The following AASDHPPT variants were observed in gnomAD, a reference collection of about 807,000 sequenced individuals.
AASDHPPT encodes aminoadipate-semialdehyde dehydrogenase-phosphopantetheinyl transferase.
In AASDHPPT, 23 loss-of-function variants were observed where a neutral mutation model predicts 36.4. That is an observed-to-expected ratio of 0.63 (90% CI 0.45 to 0.89). The LOEUF is 0.89. Among genes scored for constraint, AASDHPPT ranks in the 40% least tolerant of loss-of-function variants. The pLI, the probability that AASDHPPT is intolerant of heterozygous loss-of-function variation, is 0.00. For missense variants in AASDHPPT, 377 were observed against 378.2 expected (o/e 1.00, Z 0.03); for synonymous variants, 115 against 128.0 (o/e 0.90, Z 0.68).
At chr11:106,077,993 C>T (rs2135033136) in intron 1 of AASDHPPT, 100 bp downstream of exon 1, 3 of 1,418,346 alleles carry the variant, frequency 2.1e-6, no homozygotes, top group Non-Finnish European at 2.8e-6. Flanking sequence ...GGCCGCGACC[C>T]TCTCGCTGTG....
Position 106,096,855 on chromosome 11 carries a change from A to T in AASDHPPT, c.878A>T (p.Asp293Val). The change falls in exon 6 of 6, where the codon GAC becomes GTC. Residue 293 changes from aspartate to valine, a missense_variant. Coordinates refer to ENST00000278618, the MANE Select transcript of AASDHPPT (RefSeq NM_015423.3). ...ACACCTGAAGATCCTTCATTTTGGG[A>T]CTGTTTTTGCTTCACAGAAGAAATT... ...PMTPEDPSFW[D>V]CFCFTEEIPI... is the part of the protein sequence containing the mutation. 1 of 1,611,504 alleles carries T rather than the reference A, an allele frequency of 6.2e-7. No individual in the cohort carries two copies. Among genetic ancestry groups the T allele is most frequent in the Non-Finnish European group, 8.5e-7 (1 of 1,178,970 alleles).
chr11:106,077,809 G>A lies in AASDHPPT; in HGVS notation c.99G>A (p.Trp33Ter). ...CGTWLPSRAE[W>*]LLAVRSIQPE... is the part of the protein sequence containing the mutation. ...CTTGGCTGCCGAGCCGAGCCGAATG[G>A]CTGCTGGCAGTGCGATCGATTCAGC... The change falls in exon 1 of 6, where the codon TGG becomes TGA. Residue 33 changes from tryptophan to a stop codon, truncating the protein, a stop_gained. Transcript: ENST00000278618. LOFTEE classifies it high-confidence loss of function. The A allele has an allele frequency of 6.2e-7, 1 of 1,614,216 alleles. No homozygotes were observed. The highest frequency in any genetic ancestry group is 2.2e-5 in the East Asian group (1 of 44,878).
chr11:106,096,820 C>G lies in AASDHPPT; in HGVS notation c.843C>G (p.Ala281=). Reference sequence around the variant, plus strand: ...ACTTTAATGATTTAATGTCATCTGCCGTTCCCATGACACCTGAAGATCCTT... The same window carrying G: ...ACTTTAATGATTTAATGTCATCTGCGGTTCCCATGACACCTGAAGATCCTT... The part of the protein sequence containing the change: ...ILNFNDLMSS[A]VPMTPEDPSF... The change falls in exon 6 of 6, where the codon GCC becomes GCG. Residue 281 remains alanine (A), a synonymous_variant. Coordinates refer to ENST00000278618, the MANE Select transcript of AASDHPPT (RefSeq NM_015423.3). The G allele has an allele frequency of 6.2e-7, 1 of 1,610,958 alleles. No homozygotes were observed. Among genetic ancestry groups the G allele is most frequent in the Non-Finnish European group, 8.5e-7 (1 of 1,178,338 alleles).
intron 2 of AASDHPPT, among the ~76,000 whole-genome samples, chr11:106,080,413 A>C (rs1472150438): frequency 6.6e-6 from 1 of 152,222 alleles, no homozygotes; most frequent in Non-Finnish European, 1.5e-5. Context: ...AGCATTATTA[A>C]AATATTTAAG....
rs745648325 is a variant in AASDHPPT, at chr11:106,077,708, T to C, written c.-3T>C. On this transcript the variant is annotated 5_prime_UTR_variant, in exon 1 of 6. Coordinates refer to ENST00000278618, the MANE Select transcript of AASDHPPT (RefSeq NM_015423.3). ...AGATAGCGGCGAGGTCCGCTTTCAG[T>C]GTATGGTTTTCCCTGCCAAACGGTT... 46 of 1,612,616 alleles carry C rather than the reference T, an allele frequency of 2.9e-5. No individual in the cohort carries two copies. The South Asian group carries it at 4.7e-4, about 17-fold the overall frequency.
At position 106,082,311 on chromosome 11, in the gene AASDHPPT, G is replaced by A. The variant is rs143625534; in HGVS notation, c.409+2619G>A. On this transcript the variant is annotated intron_variant, in intron 2 of 5. Transcript: ENST00000278618. ...CATGATTTCTTAATGAAGATGGGAAGTAGACACTGATTTGCTTCATTGGAG... is the reference window on the plus strand; with the variant it reads ...CATGATTTCTTAATGAAGATGGGAAATAGACACTGATTTGCTTCATTGGAG... Among the ~76,000 whole-genome samples the A allele has an allele frequency of 5.3e-5, 8 of 152,304 alleles. No individual in the cohort carries two copies. The East Asian group carries it at 1.4e-3, about 26-fold the overall frequency.
intron 2 of AASDHPPT, among the ~76,000 whole-genome samples, chr11:106,080,082 T>C (rs1861119740): frequency 6.6e-6 from 1 of 152,192 alleles, no homozygotes; most frequent in African/African-American, 2.4e-5. Context: ...AGATAACGTA[T>C]ACAGTTGACA....
At chr11:106,089,851 T>C (rs1303482437) in intron 2 of AASDHPPT, among the ~76,000 whole-genome samples, 1 of 152,008 alleles carries the variant, frequency 6.6e-6, no homozygotes, top group East Asian at 1.9e-4. Flanking sequence ...TATTTTGTTA[T>C]CTATGAAATA....
At chr11:106,081,428 G>A (rs1861140412) in intron 2 of AASDHPPT, among the ~76,000 whole-genome samples, 1 of 152,176 alleles carries the variant, frequency 6.6e-6, no homozygotes. Context: ...ATGCACATGT[G>A]CATTTTTCTT....
At position 106,078,373 on chromosome 11, in the gene AASDHPPT, G is replaced by A. The variant is rs191150848; in HGVS notation, c.183+480G>A. On this transcript the variant is annotated intron_variant, in intron 1 of 5. Transcript: ENST00000278618. ...AGTATGATTTAGTTTGTAGCCCTGC[G>A]CTCCCCGGGATTGAAGCCAATGAAA... 9.9e-5 allele frequency among the ~76,000 whole-genome samples: 15 copies of A among 152,146 alleles called. No individual in the cohort carries two copies. In the East Asian group the frequency reaches 2.7e-3, roughly 27 times the overall value.
At position 106,094,576 on chromosome 11, in the gene AASDHPPT, C is replaced by CT; in HGVS notation, c.694-4dup. On this transcript the variant is annotated splice_region_variant and splice_polypyrimidine_tract_variant and intron_variant, in intron 4 of 5. Transcript: ENST00000278618. ...TAATCTATATTTATTTACCTTTTATCTTTCAGGAAAGCAAAATAGATGAGC... is the reference window on the plus strand; with the variant it reads ...TAATCTATATTTATTTACCTTTTATCTTTTCAGGAAAGCAAAATAGATGAGC... 4 of 1,596,012 alleles carry CT rather than the reference C, an allele frequency of 2.5e-6. No homozygotes were observed. Among genetic ancestry groups the CT allele is most frequent in the Non-Finnish European group, 3.4e-6 (4 of 1,171,328 alleles).
chr11:106,094,450 A>G (rs1861291528), intron 4 of AASDHPPT, 133 bp from the exon 5 acceptor site: 2 of 549,738 alleles, frequency 3.6e-6, no homozygotes, highest in South Asian at 7.4e-5. Context: ...AAATATATAT[A>G]TGCACGCGTG....
rs767251272 is a variant in AASDHPPT, at chr11:106,079,508, G to A, written c.225G>A (p.Leu75=). Residue 75 remains leucine, a synonymous_variant, in exon 2 of 6, where the codon TTG becomes TTA. Coordinates refer to ENST00000278618, the MANE Select transcript of AASDHPPT (RefSeq NM_015423.3). ...TAAGGAAATTAGTTGCAGAGAAATT[G>A]AATATCCCTTGGAATCATATTCGTT... is the stretch of plus-strand genomic sequence containing the variant. ...LMIRKLVAEK[L]NIPWNHIRLQ... 8 of 1,613,544 alleles carry A rather than the reference G, an allele frequency of 5.0e-6. No homozygotes were observed. The South Asian group carries it at 5.5e-5, about 11-fold the overall frequency.
chr11:106,095,847 A>G (rs996226292), intron 5 of AASDHPPT: 6 of 152,000 alleles, frequency 3.9e-5, no homozygotes, highest in African/African-American at 1.2e-4. Flanking sequence ...TCAGCTTCAC[A>G]CTCCCTGCAA....
Position 106,090,420 on chromosome 11 carries a change from G to C in AASDHPPT, c.410-137G>C. The C allele has an allele frequency of 6.5e-6, 4 of 613,634 alleles. No individual in the cohort carries two copies. In the South Asian group the frequency reaches 1.2e-4, roughly 18 times the overall value. The allele number at this position is 613,634 out of a possible 1,614,324, so 38.0% of individuals were successfully genotyped here. A position where few individuals can be genotyped will look rare whatever the true frequency, so the allele number is the denominator to read the frequency against. ...TTTGACTTGCCGAGATTTTGTTTAGGATTATTTTAAATGTATTCAAAAGTA... is the reference window on the plus strand; with the variant it reads ...TTTGACTTGCCGAGATTTTGTTTAGCATTATTTTAAATGTATTCAAAAGTA... On this transcript the variant is annotated intron_variant, in intron 2 of 5. Coordinates refer to ENST00000278618, the MANE Select transcript of AASDHPPT (RefSeq NM_015423.3).
chr11:106,091,238 C>T (rs1861253674), intron 3 of AASDHPPT, 78 bp from the exon 4 acceptor site: 2 of 1,298,600 alleles, frequency 1.5e-6, no homozygotes, highest in Non-Finnish European at 2.1e-6. Context: ...TTGAAACTCC[C>T]TATCTTTTGG....
intron 1 of AASDHPPT, 134 bp from the exon 2 acceptor site, chr11:106,079,333 T>A: frequency 1.5e-6 from 1 of 688,780 alleles, no homozygotes; most frequent in Non-Finnish European, 2.3e-6. Context: ...AATTAACGTG[T>A]GTTTAATACT....
rs547623438 is a variant in AASDHPPT, at chr11:106,091,174, T to C, written c.532-142T>C. ...ATATGGATGGTTTGTTTTCATGCTGTAAGGGTTTTTTTTTAAAAAGGTTAT... is the reference window on the plus strand; with the variant it reads ...ATATGGATGGTTTGTTTTCATGCTGCAAGGGTTTTTTTTTAAAAAGGTTAT... On this transcript the variant is annotated intron_variant, in intron 3 of 5. Transcript: ENST00000278618. 6 of 659,868 alleles carry C rather than the reference T, an allele frequency of 9.1e-6. No homozygotes were observed. The South Asian group carries it at 1.6e-4, about 17-fold the overall frequency. The allele number at this position is 659,868 out of a possible 1,614,324, so 40.9% of individuals were successfully genotyped here. A position where few individuals can be genotyped will look rare whatever the true frequency, so the allele number is the denominator to read the frequency against.
chr11:106,078,926 A>G (rs563165141), intron 1 of AASDHPPT, among the ~76,000 whole-genome samples: 2 of 152,324 alleles, frequency 1.3e-5, no homozygotes, highest in Non-Finnish European at 2.9e-5. Flanking sequence ...TATGGGATCT[A>G]GAAATACATA....
Sources: allele counts gnomAD v4.1 joint callset (sites outside exome capture counted in the v4.1 genomes callset), GRCh38; gene constraint gnomAD v4.1.1; transcripts MANE v1.5; gene names NCBI Gene and HGNC (gene_info 2026-07-23, HGNC 2026-07-21).